The following ACCSL variants were observed in gnomAD, a reference collection of about 807,000 sequenced individuals.
The protein encoded by ACCSL is 1-aminocyclopropane-1-carboxylate synthase homolog (inactive) like.
ACCSL carries 55 observed loss-of-function variants against 61.7 expected under a neutral mutation model. That is an observed-to-expected ratio of 0.89 (90% CI 0.72 to 1.12). The LOEUF is 1.12. Ranked by LOEUF, ACCSL falls within the 50% of genes most tolerant of loss-of-function variation. The pLI is 0.00. For missense variants in ACCSL, 632 were observed against 698.0 expected (o/e 0.91, Z 1.07); for synonymous variants, 258 against 264.3 (o/e 0.98, Z 0.23).
At chr11:43,939,344 T>C in the ACCSL span, among the ~76,000 whole-genome samples, 1 of 152,220 alleles carries the variant, frequency 6.6e-6, no homozygotes, top group Non-Finnish European at 1.5e-5. Context: ...GTTTTATACA[T>C]GGCAGTTTCC....
intron 1 of ACCSL, among the ~76,000 whole-genome samples, chr11:44,049,435 A>AT (rs1166244469): frequency 6.6e-6 from 1 of 150,940 alleles, no homozygotes; most frequent in East Asian, 1.9e-4. Context: ...AAAAAAAAAA[A>AT]AAAAAAAAAA....
the ACCSL span, among the ~76,000 whole-genome samples, chr11:43,990,347 A>G: frequency 6.6e-6 from 1 of 152,160 alleles, no homozygotes; most frequent in African/African-American, 2.4e-5. Flanking sequence ...GAAGTCCAAC[A>G]TCAAGATACA....
chr11:44,034,102 C>T, the ACCSL span, among the ~76,000 whole-genome samples: 8 of 152,202 alleles, frequency 5.3e-5, no homozygotes, highest in East Asian at 1.2e-3. Context: ...TATGATTCTC[C>T]ATCTTTGGGG....
At chr11:43,934,800 G>A in the ACCSL span, among the ~76,000 whole-genome samples, 977 of 152,296 alleles carry the variant, frequency 6.4e-3, 9 homozygotes, top group African/African-American at 0.022. Flanking sequence ...TGTGCATCCT[G>A]GGACACACTG....
chr11:43,994,256 G>A, the ACCSL span, among the ~76,000 whole-genome samples: 1 of 152,188 alleles, frequency 6.6e-6, no homozygotes, highest in East Asian at 1.9e-4. Context: ...ACCAGGAGTT[G>A]TTCACCATCT....
the ACCSL span, among the ~76,000 whole-genome samples, chr11:43,930,171 G>A: frequency 6.6e-6 from 1 of 152,162 alleles, no homozygotes; most frequent in Non-Finnish European, 1.5e-5. Context: ...CTAGCCTGGG[G>A]TAAGGCCTGG....
the ACCSL span, among the ~76,000 whole-genome samples, chr11:44,025,508 T>C: frequency 5.3e-5 from 8 of 152,288 alleles, 1 homozygote; most frequent in East Asian, 1.5e-3. Flanking sequence ...CTTACATCCT[T>C]ATGCATGATA....
At chr11:44,034,193 C>A in the ACCSL span, among the ~76,000 whole-genome samples, 2 of 152,140 alleles carry the variant, frequency 1.3e-5, no homozygotes. Flanking sequence ...GGGGGTCCAC[C>A]CACACCCCAT....
the ACCSL span, among the ~76,000 whole-genome samples, chr11:44,001,523 G>A: frequency 4.6e-5 from 7 of 152,030 alleles, no homozygotes; most frequent in East Asian, 5.8e-4. Context: ...AGAGAAGATC[G>A]GGAGTCAGGT....
chr11:43,962,597 A>G, the ACCSL span, among the ~76,000 whole-genome samples: 6 of 152,268 alleles, frequency 3.9e-5, no homozygotes, highest in Non-Finnish European at 7.3e-5. Context: ...CCCAAGGCAA[A>G]GATTAGACTA....
chr11:43,987,501 G>A, the ACCSL span, among the ~76,000 whole-genome samples: 1 of 152,200 alleles, frequency 6.6e-6, no homozygotes, highest in African/African-American at 2.4e-5. Context: ...GCAAGAAGTT[G>A]GCGCTAGGTA....
upstream of ACCSL, among the ~76,000 whole-genome samples, chr11:44,044,419 C>A (rs536681877): frequency 6.6e-6 from 1 of 152,230 alleles, no homozygotes; most frequent in Admixed American, 6.5e-5. Context: ...TAGTGAGCAG[C>A]AATTATAGAA....
At chr11:44,057,472 G>A (rs917714559) in intron 11 of ACCSL, among the ~76,000 whole-genome samples, 4 of 152,198 alleles carry the variant, frequency 2.6e-5, no homozygotes, top group African/African-American at 9.7e-5. Context: ...AATCTTGGAT[G>A]GACGTGGGAG....
chr11:43,934,084 C>G, the ACCSL span, among the ~76,000 whole-genome samples: 1 of 152,150 alleles, frequency 6.6e-6, no homozygotes, highest in African/African-American at 2.4e-5. Flanking sequence ...CTCTCTCCCT[C>G]TCTGTGTGTC....
At chr11:43,933,044 G>C in the ACCSL span, 1 of 455,250 alleles carries the variant, frequency 2.2e-6, no homozygotes, top group Non-Finnish European at 4.4e-6. Context: ...TGACCCTCTT[G>C]CTTCTGCGTT....
chr11:43,930,206 C>T, the ACCSL span, among the ~76,000 whole-genome samples: 2 of 152,158 alleles, frequency 1.3e-5, no homozygotes, highest in Admixed American at 6.5e-5. Flanking sequence ...TCCAGAAAGA[C>T]AGTAAGAAAC....
chr11:44,011,707 G>A, the ACCSL span, among the ~76,000 whole-genome samples: 7 of 152,174 alleles, frequency 4.6e-5, no homozygotes, highest in Non-Finnish European at 1.0e-4. Flanking sequence ...CTGTCCATCT[G>A]AAAGAACATA....
At chr11:44,053,680 G>A (rs112437036) in intron 8 of ACCSL, among the ~76,000 whole-genome samples, 174 bp downstream of exon 8, 1 of 152,036 alleles carries the variant, frequency 6.6e-6, no homozygotes, top group Non-Finnish European at 1.5e-5. Flanking sequence ...TGGCCAACAG[G>A]GTGAAACCTT....
At chr11:43,995,013 G>C in the ACCSL span, 1 of 152,218 alleles carries the variant, frequency 6.6e-6, no homozygotes, top group East Asian at 1.9e-4. Flanking sequence ...ACACTCTATA[G>C]GGTGGAATAT....
Sources: gnomAD v4.1 joint callset for allele counts (sites outside exome capture counted in the v4.1 genomes callset) on GRCh38, gnomAD v4.1.1 for gene constraint, MANE v1.5 for transcripts, NCBI Gene and HGNC (gene_info 2026-07-23, HGNC 2026-07-21) for gene names.